Variants in ORC2 observed in about 807,000 individuals in gnomAD.
ORC2 encodes the protein origin recognition complex protein 2 homolog.
In ORC2, 37 loss-of-function variants were observed where a neutral mutation model predicts 77.7. That is an observed-to-expected ratio of 0.48 (90% CI 0.37 to 0.63). The LOEUF (loss-of-function observed/expected upper bound fraction) is 0.63. ORC2 is among the 20% of genes least tolerant of loss of function. The pLI, the probability that ORC2 is intolerant of heterozygous loss-of-function variation, is 0.00. For missense variants in ORC2, 557 were observed against 661.9 expected (o/e 0.84, Z 1.74); for synonymous variants, 201 against 229.5 (o/e 0.88, Z 1.12).
Position 200,913,379 on chromosome 2 carries a change from C to T in ORC2, c.1563G>A (p.Arg521=). Residue 521 remains arginine, a synonymous_variant, in exon 17 of 18, where the codon CGG becomes CGA. Coordinates refer to ENST00000234296, the MANE Select transcript of ORC2 (RefSeq NM_006190.5). ...GATCACTATTGACGAGGAATGCCTC[C>T]CGACACTGCTGGTAAAAATCTTGAA... The part of the protein sequence containing the change: ...LSFQDFYQQC[R]EAFLVNSDLT... 6.3e-7 allele frequency: 1 copy of T among 1,597,154 alleles called. No homozygotes were observed. Among genetic ancestry groups the T allele is most frequent in the Non-Finnish European group, 8.6e-7 (1 of 1,168,984 alleles).
chr2:200,926,684 C>A (rs2040843140), intron 12 of ORC2, 84 bp downstream of exon 12: 17 of 1,412,290 alleles, frequency 1.2e-5, no homozygotes, highest in Non-Finnish European at 3.9e-6. Flanking sequence ...AACAAAAATT[C>A]TTTAATACTC....
intron 5 of ORC2, among the ~76,000 whole-genome samples, chr2:200,944,525 T>C (rs1350177267): frequency 6.6e-6 from 1 of 152,030 alleles, no homozygotes; most frequent in Non-Finnish European, 1.5e-5. Context: ...CCAACACCTC[T>C]TGGATGACTC....
intron 1 of ORC2, among the ~76,000 whole-genome samples, chr2:200,960,784 CT>C (rs977532131): frequency 8.0e-5 from 12 of 149,846 alleles, no homozygotes; most frequent in East Asian, 3.9e-4. Context: ...CTAACTTCTT[CT>C]TTTTTTTTTC....
intron 11 of ORC2, among the ~76,000 whole-genome samples, chr2:200,929,837 C>A (rs1178321010): frequency 6.6e-6 from 1 of 151,400 alleles, no homozygotes; most frequent in Non-Finnish European, 1.5e-5. Flanking sequence ...CCATAGGCAA[C>A]TACACAAATG....
chr2:200,963,602 C>G lies in ORC2; in HGVS notation c.-172G>C. 2.5e-6 allele frequency: 1 copy of G among 398,504 alleles called. No homozygotes were observed. The highest frequency in any genetic ancestry group is 4.4e-6 in the Non-Finnish European group (1 of 226,012). The allele number at this position is 398,504 out of a possible 1,614,324, so 24.7% of individuals were successfully genotyped here. A position where few individuals can be genotyped will look rare whatever the true frequency, so the allele number is the denominator to read the frequency against. ...CGGCCCCAACGGGAAAAGCCAATTT[C>G]CAGTAATTCGCGCCCGACCACCGGG... On this transcript the variant is annotated 5_prime_UTR_variant, in exon 1 of 18. Transcript: ENST00000234296.
intron 4 of ORC2, among the ~76,000 whole-genome samples, chr2:200,950,747 G>T (rs2041339347): frequency 6.6e-6 from 1 of 152,004 alleles, no homozygotes; most frequent in South Asian, 2.1e-4. Context: ...ATACTTAATG[G>T]ATTTATTAGA....
intron 7 of ORC2, among the ~76,000 whole-genome samples, 181 bp downstream of exon 7, chr2:200,941,067 A>C (rs2041143100): frequency 6.6e-6 from 1 of 152,178 alleles, no homozygotes. Context: ...CACACAAGTC[A>C]CTTTACCTCT....
At chr2:200,944,965 C>T (rs1455093936) in intron 5 of ORC2, among the ~76,000 whole-genome samples, 1 of 152,200 alleles carries the variant, frequency 6.6e-6, no homozygotes, top group African/African-American at 2.4e-5. Flanking sequence ...AGCCTTTCCA[C>T]TTGTTTTAAG....
chr2:200,956,292 T>C (rs780220191), intron 4 of ORC2, among the ~76,000 whole-genome samples: 16 of 151,948 alleles, frequency 1.1e-4, no homozygotes, highest in Non-Finnish European at 2.2e-4. Flanking sequence ...TGTAGTGGTA[T>C]GATCACGGCT....
intron 4 of ORC2, 79 bp downstream of exon 4, chr2:200,957,322 A>G (rs2041486105): frequency 3.8e-6 from 4 of 1,039,734 alleles, no homozygotes; most frequent in Non-Finnish European, 5.5e-6. Flanking sequence ...TGTTTAACCT[A>G]CCAGACTACT....
At chr2:200,933,727 A>T (rs1309427706) in intron 10 of ORC2, 149 bp downstream of exon 10, 1 of 501,408 alleles carries the variant, frequency 2.0e-6, no homozygotes, top group Non-Finnish European at 3.6e-6. Flanking sequence ...TATTTATATA[A>T]TAAAAGAAGT....
At chr2:200,940,800 T>G (rs1241264082) in intron 7 of ORC2, among the ~76,000 whole-genome samples, 4 of 151,306 alleles carry the variant, frequency 2.6e-5, no homozygotes, top group Non-Finnish European at 1.5e-5. Context: ...AGACTCCGTC[T>G]CAAAAACAAA....
At chr2:200,914,165 C>CTTTT (rs1158874227) in intron 15 of ORC2, among the ~76,000 whole-genome samples, 173 bp from the exon 16 acceptor site, 3 of 134,854 alleles carry the variant, frequency 2.2e-5, no homozygotes, top group Admixed American at 1.5e-4. Context: ...TTTCTAATTT[C>CTTTT]TTTTTTTTTT....
intron 15 of ORC2, among the ~76,000 whole-genome samples, chr2:200,915,717 A>T (rs2040636401): frequency 6.6e-6 from 1 of 151,274 alleles, no homozygotes; most frequent in African/African-American, 2.4e-5. Context: ...TTTTTTTGAG[A>T]CAGAATCTCG....
chr2:200,946,221 C>T (rs2041247989), intron 5 of ORC2, among the ~76,000 whole-genome samples: 2 of 151,900 alleles, frequency 1.3e-5, no homozygotes, highest in South Asian at 4.1e-4. Context: ...AACTCCTGGG[C>T]TTAAGTGATC....
In ORC2 at chr2:200,916,993, C is replaced by CTTT. The variant is rs1165127308; in HGVS notation, c.1467-3004_1467-3002dup. Among the ~76,000 whole-genome samples the CTTT allele has an allele frequency of 9.5e-3, 1,005 of 105,560 alleles. 69 individuals are homozygous for CTTT. Among genetic ancestry groups the CTTT allele is most frequent in the African/African-American group, 0.038 (933 of 24,782 alleles). The allele number at this position is 105,560 out of a possible 152,430, so 69.3% of individuals were successfully genotyped here. A position where few individuals can be genotyped will look rare whatever the true frequency, so the allele number is the denominator to read the frequency against. ...ACAGGTGTGAGCCACTGTGCCCCAC[C>CTTT]TTTTTTTTTTTTTTTTTTTGAGACA... On this transcript the variant is annotated intron_variant, in intron 15 of 17. Transcript: ENST00000234296.
At chr2:200,962,466 C>A (rs1447557582) in intron 1 of ORC2, among the ~76,000 whole-genome samples, 1 of 152,170 alleles carries the variant, frequency 6.6e-6, no homozygotes, top group African/African-American at 2.4e-5. Flanking sequence ...ATTGGAGAAA[C>A]CTGAGTTCCA....
At chr2:200,963,312 C>A (rs1266244101) in intron 1 of ORC2, 178 bp downstream of exon 1, 10 of 396,682 alleles carry the variant, frequency 2.5e-5, no homozygotes, top group Non-Finnish European at 4.0e-5. Context: ...GGGCAGCCTG[C>A]GGGGGGCAGC....
chr2:200,913,439 A>G lies in ORC2; in HGVS notation c.1529-26T>C, dbSNP rs371450016. ...CTGGCAAGTTCAAAAGGATATGAAC[A>G]TAAGTCAGCACTTAAGACATGACCC... On this transcript the variant is annotated intron_variant, in intron 16 of 17. Coordinates refer to ENST00000234296, the MANE Select transcript of ORC2 (RefSeq NM_006190.5). 10 of 1,563,652 alleles carry G rather than the reference A, an allele frequency of 6.4e-6. No homozygotes were observed. In the African/African-American group the frequency reaches 8.2e-5, roughly 13 times the overall value.
Sources: allele counts gnomAD v4.1 joint callset (sites outside exome capture counted in the v4.1 genomes callset), GRCh38; gene constraint gnomAD v4.1.1; transcripts MANE v1.5; gene names NCBI Gene and HGNC (gene_info 2026-07-23, HGNC 2026-07-21).